The following DPH7 variants were observed in gnomAD, a reference collection of about 807,000 sequenced individuals.
The protein encoded by DPH7 is diphthamide biosynthesis 7, also known as diphthine methyltransferase.
DPH7 carries 44 observed loss-of-function variants against 41.7 expected under a neutral mutation model. The ratio of observed to expected loss-of-function variants is 1.05; its 90% CI spans 0.83 to 1.36. The LOEUF is 1.36. Ranked by LOEUF, DPH7 falls within the 40% of genes most tolerant of loss-of-function variation. DPH7 has a pLI of 0.00. For missense variants in DPH7, 629 were observed against 577.5 expected (o/e 1.09, Z -0.91); for synonymous variants, 275 against 238.0 (o/e 1.16, Z -1.43).
intron 8 of DPH7, among the ~76,000 whole-genome samples, chr9:137,559,601 TAGC>T: frequency 6.6e-6 from 1 of 152,340 alleles, no homozygotes; most frequent in East Asian, 1.9e-4. Flanking sequence ...GCCTTCTAGA[TAGC>T]AGTAGTCAAT....
At chr9:137,569,596 AAGCCAGCCAGCCAGCCAC>A (rs1840042070) in intron 5 of DPH7, among the ~76,000 whole-genome samples, 1 of 73,026 alleles carries the variant, frequency 1.4e-5, no homozygotes, top group Non-Finnish European at 2.6e-5. Flanking sequence ...CCCGTCTATC[AAGCCAGCCAGCCAGCCAC>A]TCACCCACCA....
chr9:137,570,809 G>C (rs1253141788), intron 5 of DPH7, among the ~76,000 whole-genome samples: 1 of 152,130 alleles, frequency 6.6e-6, no homozygotes, highest in Non-Finnish European at 1.5e-5. Context: ...CCCTGACCAT[G>C]CTCTCCAACA....
intron 8 of DPH7, among the ~76,000 whole-genome samples, chr9:137,558,399 TAAAA>T (rs920029069): frequency 6.7e-6 from 1 of 148,684 alleles, no homozygotes; most frequent in African/African-American, 2.5e-5. Flanking sequence ...ACCCTCTCTT[TAAAA>T]AAAAAACTAA....
intron 2 of DPH7, 58 bp downstream of exon 2, chr9:137,577,412 C>A (rs891091935): frequency 3.0e-5 from 47 of 1,549,942 alleles, no homozygotes; most frequent in Non-Finnish European, 3.9e-5. Flanking sequence ...AGGCATCAGG[C>A]TTCCCTGATT....
At chr9:137,572,847 G>A (rs1840673886) in intron 5 of DPH7, among the ~76,000 whole-genome samples, 1 of 152,218 alleles carries the variant, frequency 6.6e-6, no homozygotes, top group African/African-American at 2.4e-5. Flanking sequence ...CAAAAAGGGT[G>A]CAGACAAACT....
intron 1 of DPH7, chr9:137,578,123 C>G: frequency 7.6e-6 from 2 of 261,960 alleles, no homozygotes; most frequent in Non-Finnish European, 1.2e-5. Context: ...TCCGAGGCTG[C>G]ACTCCAGCCT....
chr9:137,557,624 G>T lies in DPH7; in HGVS notation c.950-1976C>A, dbSNP rs374771627. ...ACATGAGGGCAGGAGTTTGAGAGCAGCCTGGGAAACATGGTGAAACCCCAT... is the reference window on the plus strand; with the variant it reads ...ACATGAGGGCAGGAGTTTGAGAGCATCCTGGGAAACATGGTGAAACCCCAT... On this transcript the variant is annotated intron_variant, in intron 8 of 8. Coordinates refer to ENST00000277540, the MANE Select transcript of DPH7 (RefSeq NM_138778.5). Among the ~76,000 whole-genome samples the T allele has an allele frequency of 5.0e-4, 76 of 152,074 alleles. 1 individual carries two copies. Among genetic ancestry groups the T allele is most frequent in the African/African-American group, 1.8e-3 (73 of 41,470 alleles).
At chr9:137,575,536 A>C (rs1282496305) in intron 3 of DPH7, 16 of 992,620 alleles carry the variant, frequency 1.6e-5, no homozygotes, top group Non-Finnish European at 1.8e-5. Flanking sequence ...CGGTTGGCCC[A>C]GCCCCGCCTG....
In DPH7 at chr9:137,555,307, A is replaced by G; in HGVS notation, c.1291T>C (p.Phe431Leu). ...GVNPEEADSA[F>L]SLLATCSFYD... ...AAGGAGCAGGTGGCCAGGAGGCTGA[A>G]GGCTGAGTCTGCTTCTTCTGGGTTC... Residue 431 changes from phenylalanine (F) to leucine (L), a missense_variant, in exon 9 of 9, where the codon TTC (phenylalanine) becomes CTC (leucine). Coordinates refer to ENST00000277540, the MANE Select transcript of DPH7 (RefSeq NM_138778.5). 6.2e-7 allele frequency: 1 copy of G among 1,613,574 alleles called. No homozygotes were observed. The highest frequency in any genetic ancestry group is 8.5e-7 in the Non-Finnish European group (1 of 1,179,674).
chr9:137,574,697 G>C (rs1841076975), intron 4 of DPH7, 55 bp downstream of exon 4: 1 of 1,558,776 alleles, frequency 6.4e-7, no homozygotes, highest in African/African-American at 1.4e-5. Flanking sequence ...AGCCTGAAAA[G>C]TGGAAGTGGT....
At chr9:137,555,998 AG>A (rs1369196242) in intron 8 of DPH7, among the ~76,000 whole-genome samples, 3 of 152,172 alleles carry the variant, frequency 2.0e-5, no homozygotes, top group Non-Finnish European at 4.4e-5. Flanking sequence ...CTGGGAAGGA[AG>A]GGGATGTCTG....
intron 8 of DPH7, among the ~76,000 whole-genome samples, chr9:137,559,363 G>A (rs1396246749): frequency 6.6e-6 from 1 of 152,120 alleles, no homozygotes; most frequent in Non-Finnish European, 1.5e-5. Context: ...TAGCGGTAGC[G>A]AAAAATGTGA....
intron 3 of DPH7, chr9:137,575,449 CT>C: frequency 1.0e-6 from 1 of 988,456 alleles, no homozygotes; most frequent in Non-Finnish European, 1.2e-6. Context: ...TTTCCTGTGG[CT>C]GCTCTTTCCC....
intron 8 of DPH7, among the ~76,000 whole-genome samples, chr9:137,563,507 G>C (rs1838981014): frequency 6.9e-6 from 1 of 145,070 alleles, no homozygotes; most frequent in South Asian, 2.2e-4. Context: ...ACTCCAGCCT[G>C]GGTGACAGAG....
intron 5 of DPH7, among the ~76,000 whole-genome samples, chr9:137,573,682 CAAAAAAAAAAAAAAAAA>C (rs61028786): frequency 3.9e-5 from 1 of 25,914 alleles, no homozygotes; most frequent in Admixed American, 4.9e-4. Flanking sequence ...GACTCTGTCT[CAAAAAAAAAAAAAAAAA>C]AAAAAAAAAA....
At chr9:137,577,899 G>C in intron 1 of DPH7, 1 of 925,006 alleles carries the variant, frequency 1.1e-6, no homozygotes, top group Non-Finnish European at 1.3e-6. Context: ...TGTTGTTCCA[G>C]TGCCCAATTT....
At chr9:137,575,217 TG>T (rs1841173140) in intron 3 of DPH7, 1 of 1,008,148 alleles carries the variant, frequency 9.9e-7, no homozygotes, top group Admixed American at 5.7e-5. Context: ...CCAGGGCCAC[TG>T]GAACACTCGC....
chr9:137,569,177 G>A (rs112847894), intron 5 of DPH7, among the ~76,000 whole-genome samples: 12 of 151,962 alleles, frequency 7.9e-5, no homozygotes, highest in African/African-American at 1.7e-4. Flanking sequence ...GAAGGAAAAC[G>A]TCTAGGCCTA....
At chr9:137,576,761 G>A (rs2133222238) in intron 2 of DPH7, among the ~76,000 whole-genome samples, 1 of 152,282 alleles carries the variant, frequency 6.6e-6, no homozygotes, top group South Asian at 2.1e-4. Flanking sequence ...GTGGTGGCGG[G>A]CGCCTGTAGA....
Sources: gnomAD v4.1 joint callset for allele counts (sites outside exome capture counted in the v4.1 genomes callset) on GRCh38, gnomAD v4.1.1 for gene constraint, MANE v1.5 for transcripts, NCBI Gene and HGNC (gene_info 2026-07-23, HGNC 2026-07-21) for gene names.